Variants in ST18 observed in about 807,000 individuals in gnomAD.
The protein encoded by ST18 is suppression of tumorigenicity 18 protein.
In ST18, 50 loss-of-function variants were observed where a neutral mutation model predicts 110.0. That is an observed-to-expected ratio of 0.45 (90% confidence interval 0.36 to 0.58). ST18 has a LOEUF of 0.58. Ranked by LOEUF, ST18 falls within the 20% of genes least tolerant of loss-of-function variation. The pLI is 0.00. For synonymous variants in ST18, 461 were observed against 452.4 expected (o/e 1.02, Z -0.24); for missense variants, 1,306 against 1,280.1 (o/e 1.02, Z -0.31).
chr8:52,359,689 A>G (rs1309467267), intron 2 of ST18, among the ~76,000 whole-genome samples: 2 of 152,154 alleles, frequency 1.3e-5, no homozygotes, highest in African/African-American at 4.8e-5. Flanking sequence ...ATTTTAATCC[A>G]AAGAGTCTAA....
Position 52,349,929 on chromosome 8 carries a change from T to C in ST18, c.-465+59399A>G, listed in dbSNP as rs1819497819. Among the ~76,000 whole-genome samples the C allele has an allele frequency of 2.0e-5, 3 of 152,038 alleles. No homozygotes were observed. The South Asian group carries it at 6.2e-4, about 32-fold the overall frequency. On this transcript the variant is annotated intron_variant, in intron 2 of 25. Transcript: ENST00000689386. ...AAGCCCCTAGCAGGGGCTGGAGCTTTTGAGATAGGCACACTTGTCCCGACA... is the reference window on the plus strand; with the variant it reads ...AAGCCCCTAGCAGGGGCTGGAGCTTCTGAGATAGGCACACTTGTCCCGACA...
At chr8:52,340,459 C>T (rs564271901) in intron 2 of ST18, among the ~76,000 whole-genome samples, 4 of 152,314 alleles carry the variant, frequency 2.6e-5, no homozygotes, top group East Asian at 3.9e-4. Flanking sequence ...AGAGACAAGA[C>T]GTGGCTCTAT....
At position 52,166,863 on chromosome 8, in the gene ST18, A is replaced by C; in HGVS notation, c.1193T>G (p.Val398Gly). Residue 398 changes from valine (V) to glycine (G), a missense_variant, in exon 11 of 26, where the codon GTT becomes GGT. By Grantham distance (109) the Val-to-Gly change is moderately radical. Coordinates refer to ENST00000689386, the MANE Select transcript of ST18 (RefSeq NM_001352837.2). The part of the protein sequence containing the change: ...SLSGCPHKVR[V>G]PLEILAMHEN... ...CAAGTGGTACTCACTTTCCAGGGGA[A>C]CCCGCACTTTGTGGGGGCACCCCGA... 6.3e-7 allele frequency: 1 copy of C among 1,589,066 alleles called. No homozygotes were observed. The highest frequency in any genetic ancestry group is 8.6e-7 in the Non-Finnish European group (1 of 1,161,898).
In ST18 at chr8:52,146,959, T is replaced by G. The variant is rs147264198; in HGVS notation, c.2052+2773A>C. On this transcript the variant is annotated intron_variant, in intron 16 of 25. Transcript: ENST00000689386. ...GCATTTAGCTTAAACAAATATTCTG[T>G]CAGCTCAAACCTAGGGCAAGCACAC... is the stretch of plus-strand genomic sequence containing the variant. Among the ~76,000 whole-genome samples the G allele has an allele frequency of 2.5e-3, 382 of 152,292 alleles. 1 individual carries two copies. Among genetic ancestry groups the G allele is most frequent in the African/African-American group, 8.7e-3 (360 of 41,566 alleles).
chr8:52,148,879 C>T (rs185785026), intron 16 of ST18, among the ~76,000 whole-genome samples: 7 of 152,300 alleles, frequency 4.6e-5, no homozygotes, highest in Admixed American at 1.3e-4. Flanking sequence ...CTGTAAAAGG[C>T]GCTGCACACT....
intron 8 of ST18, among the ~76,000 whole-genome samples, chr8:52,184,280 C>T (rs2071086537): frequency 6.6e-6 from 1 of 152,134 alleles, no homozygotes; most frequent in African/African-American, 2.4e-5. Context: ...ATTTATTGTT[C>T]TATTCAATCA....
At chr8:52,113,954 GTTTTTTTTTTTTTTTTTTTTTT>G (rs1158213340) in intron 25 of ST18, among the ~76,000 whole-genome samples, 1 of 45,422 alleles carries the variant, frequency 2.2e-5, no homozygotes, top group African/African-American at 8.2e-5. Flanking sequence ...TTCATACCGT[GTTTTTTTTTTTTTTTTTTTTTT>G]TTTTTTTTTT....
chr8:52,234,457 G>T (rs189684272), intron 2 of ST18, among the ~76,000 whole-genome samples: 15 of 152,078 alleles, frequency 9.9e-5, no homozygotes, highest in Non-Finnish European at 1.8e-4. Flanking sequence ...TAGATATGGG[G>T]TTTCACTATC....
At chr8:52,284,564 C>T (rs546770007) in intron 2 of ST18, among the ~76,000 whole-genome samples, 39 of 152,110 alleles carry the variant, frequency 2.6e-4, no homozygotes, top group Non-Finnish European at 4.0e-4. Flanking sequence ...GATACCTGTC[C>T]CACCAGGGTG....
intron 8 of ST18, among the ~76,000 whole-genome samples, chr8:52,194,981 T>C (rs2075750245): frequency 6.6e-6 from 1 of 152,226 alleles, no homozygotes; most frequent in African/African-American, 2.4e-5. Flanking sequence ...ATATAAAATA[T>C]AAATAAATGT....
chr8:52,378,898 C>A (rs1348813291), intron 2 of ST18, among the ~76,000 whole-genome samples: 1 of 152,086 alleles, frequency 6.6e-6, no homozygotes, highest in Non-Finnish European at 1.5e-5. Flanking sequence ...GCAAAATAGA[C>A]CTATGTGATA....
At chr8:52,130,167 A>AAAGAAAGAAAG (rs1554586232) in intron 22 of ST18, among the ~76,000 whole-genome samples, 1,711 of 89,846 alleles carry the variant, frequency 0.019, 38 homozygotes, top group Admixed American at 0.074. Context: ...AAGAAAGAAA[A>AAAGAAAGAAAG]AGAAAAGAAA....
At chr8:52,180,432 G>T (rs2068935852) in intron 8 of ST18, 120 bp from the exon 9 acceptor site, 5 of 1,058,378 alleles carry the variant, frequency 4.7e-6, no homozygotes, top group African/African-American at 3.2e-5. Flanking sequence ...GTTTAGGGTT[G>T]GTTACTGGCA....
chr8:52,397,207 T>C (rs1841444209), intron 2 of ST18, among the ~76,000 whole-genome samples: 1 of 152,248 alleles, frequency 6.6e-6, no homozygotes, highest in African/African-American at 2.4e-5. Context: ...ATTGTGATTT[T>C]AGTTTGCATT....
At chr8:52,163,341 T>C in intron 13 of ST18, among the ~76,000 whole-genome samples, 1 of 152,186 alleles carries the variant, frequency 6.6e-6, no homozygotes, top group Non-Finnish European at 1.5e-5. Context: ...TCTAGCTTAA[T>C]CCTGAAATCA....
chr8:52,306,053 G>A (rs1450487628), intron 2 of ST18, among the ~76,000 whole-genome samples: 3 of 152,058 alleles, frequency 2.0e-5, no homozygotes, highest in South Asian at 2.1e-4. Flanking sequence ...CTCCCCACTC[G>A]GCCACATTGG....
intron 8 of ST18, among the ~76,000 whole-genome samples, chr8:52,187,241 C>T (rs1338574853): frequency 6.6e-6 from 1 of 152,118 alleles, no homozygotes; most frequent in Non-Finnish European, 1.5e-5. Flanking sequence ...CCAGGGAGTG[C>T]TCTAAATTAT....
chr8:52,329,967 C>T (rs1808428450), intron 2 of ST18, among the ~76,000 whole-genome samples: 1 of 152,060 alleles, frequency 6.6e-6, no homozygotes, highest in South Asian at 2.1e-4. Context: ...TATGGAGTGC[C>T]ACGGTGGGCT....
At chr8:52,228,374 C>A (rs980834556) in intron 3 of ST18, among the ~76,000 whole-genome samples, 1 of 152,114 alleles carries the variant, frequency 6.6e-6, no homozygotes, top group Non-Finnish European at 1.5e-5. Context: ...ATAACACAGT[C>A]CCTAGTTCTT....
Sources: allele counts gnomAD v4.1 joint callset (sites outside exome capture counted in the v4.1 genomes callset), GRCh38; gene constraint gnomAD v4.1.1; transcripts MANE v1.5; gene names NCBI Gene and HGNC (gene_info 2026-07-23, HGNC 2026-07-21).